The following AHI1 variants were observed in gnomAD, a reference collection of about 807,000 sequenced individuals.
AHI1 encodes the protein Abelson helper integration site 1.
In AHI1, 123 loss-of-function variants were observed where a neutral mutation model predicts 149.3. That is an observed-to-expected ratio of 0.82 (90% CI 0.71 to 0.96). AHI1 has a LOEUF of 0.96. AHI1 is among the 40% of genes least tolerant of loss of function. The pLI is 0.00. For synonymous variants in AHI1, 475 were observed against 459.8 expected, an observed-to-expected ratio of 1.03 and a Z score of -0.42; for missense variants, 1,439 against 1,422.7, an observed-to-expected ratio of 1.01 and a Z score of -0.18.
intron 24 of AHI1, among the ~76,000 whole-genome samples, chr6:135,337,409 G>A (rs1040820302): frequency 6.6e-6 from 1 of 152,114 alleles, no homozygotes; most frequent in Admixed American, 6.6e-5. Context: ...GGTTACTGAA[G>A]TTGGTATTTA....
chr6:135,345,857 T>C (rs1455602267), intron 24 of AHI1, among the ~76,000 whole-genome samples: 1 of 152,102 alleles, frequency 6.6e-6, no homozygotes, highest in Non-Finnish European at 1.5e-5. Context: ...ATCATGGAAA[T>C]GATTGTTAAA....
intron 21 of AHI1, among the ~76,000 whole-genome samples, chr6:135,406,255 CA>C (rs1780782391): frequency 6.6e-6 from 1 of 152,154 alleles, no homozygotes; most frequent in South Asian, 2.1e-4. Context: ...CACAGTTGCT[CA>C]AAATCTGGAA....
intron 27 of AHI1, among the ~76,000 whole-genome samples, chr6:135,298,420 C>A (rs1783433664): frequency 6.6e-6 from 1 of 151,234 alleles, no homozygotes; most frequent in African/African-American, 2.4e-5. Context: ...TATTGGTCAA[C>A]CAACTAATAA....
intron 23 of AHI1, among the ~76,000 whole-genome samples, chr6:135,363,114 C>G (rs1450322168): frequency 6.6e-6 from 1 of 151,042 alleles, no homozygotes; most frequent in African/African-American, 2.4e-5. Context: ...TTGGCAGGGT[C>G]ACAGGACAAT....
Position 135,411,355 on chromosome 6 carries a change from G to A in AHI1, c.2954C>T (p.Thr985Ile). The A allele has an allele frequency of 6.2e-7, 1 of 1,610,824 alleles. No homozygotes were observed. The highest frequency in any genetic ancestry group is 8.5e-7 in the Non-Finnish European group (1 of 1,177,312). ...KMQLVKQRLETVTEVIRSCAA... is the reference protein window; with the variant it reads ...KMQLVKQRLEIVTEVIRSCAA... ...TGCATAAAATAAACTTACTGTGACA[G>A]TTTCAAGCCTCTGTTTTACTAGCTG... The change falls in exon 21 of 29, where the codon ACT becomes ATT. Residue 985 changes from threonine (T) to isoleucine (I), a missense_variant. By Grantham distance (89) the Thr-to-Ile change is moderately conservative (BLOSUM62 -1). Coordinates refer to ENST00000265602, the MANE Select transcript of AHI1 (RefSeq NM_001134831.2).
At chr6:135,470,713 C>T (rs1278085572) in intron 5 of AHI1, among the ~76,000 whole-genome samples, 1 of 151,986 alleles carries the variant, frequency 6.6e-6, no homozygotes, top group Non-Finnish European at 1.5e-5. Flanking sequence ...TGCATGTTAT[C>T]ACTTGTACGT....
intron 5 of AHI1, among the ~76,000 whole-genome samples, chr6:135,479,206 T>C (rs1029354712): frequency 6.6e-6 from 1 of 152,214 alleles, no homozygotes; most frequent in Non-Finnish European, 1.5e-5. Flanking sequence ...GGGCACTGCC[T>C]AGTAGATCTG....
chr6:135,342,420 A>AT (rs1164598815), intron 24 of AHI1, among the ~76,000 whole-genome samples: 1 of 151,922 alleles, frequency 6.6e-6, no homozygotes, highest in Non-Finnish European at 1.5e-5. Flanking sequence ...TGGGATCGGT[A>AT]TTACCATGAT....
At chr6:135,320,139 G>C (rs1786582446) in intron 25 of AHI1, among the ~76,000 whole-genome samples, 2 of 151,732 alleles carry the variant, frequency 1.3e-5, no homozygotes, top group Non-Finnish European at 2.9e-5. Flanking sequence ...GTTAAATTCA[G>C]GTAAAAAAAG....
At chr6:135,322,212 T>C (rs1786960189) in intron 25 of AHI1, among the ~76,000 whole-genome samples, 1 of 152,208 alleles carries the variant, frequency 6.6e-6, no homozygotes, top group Non-Finnish European at 1.5e-5. Context: ...CTGGGGCGTA[T>C]GAGTGTAAGA....
chr6:135,409,967 A>T (rs892398433), intron 21 of AHI1, among the ~76,000 whole-genome samples: 10 of 152,192 alleles, frequency 6.6e-5, no homozygotes, highest in Admixed American at 5.9e-4. Context: ...TCTCATTATC[A>T]ACAATAATAA....
rs551503436 is a variant in AHI1, at chr6:135,464,404, G to A, written c.750-1098C>T. On this transcript the variant is annotated intron_variant, in intron 7 of 28. Transcript: ENST00000265602. ...ACCACAGAGGTGGTAGCTATGAGAAGGAAGATTTATAGTATACTATGGTAG... is the reference window on the plus strand; with the variant it reads ...ACCACAGAGGTGGTAGCTATGAGAAAGAAGATTTATAGTATACTATGGTAG... Among the ~76,000 whole-genome samples the A allele has an allele frequency of 1.1e-4, 17 of 152,244 alleles. No homozygotes were observed. In the South Asian group the frequency reaches 3.5e-3, roughly 32 times the overall value.
At chr6:135,321,467 C>A (rs1786819687) in intron 25 of AHI1, among the ~76,000 whole-genome samples, 1 of 151,958 alleles carries the variant, frequency 6.6e-6, no homozygotes. Flanking sequence ...GGACTTAGGG[C>A]ACTTGAGAGA....
intron 23 of AHI1, among the ~76,000 whole-genome samples, chr6:135,375,335 C>A (rs1775752241): frequency 6.6e-6 from 1 of 151,814 alleles, no homozygotes; most frequent in Non-Finnish European, 1.5e-5. Context: ...TGGAAATAAA[C>A]ACTACTCAAT....
At chr6:135,454,962 G>C (rs1788689681) in intron 10 of AHI1, among the ~76,000 whole-genome samples, 1 of 152,092 alleles carries the variant, frequency 6.6e-6, no homozygotes, top group Admixed American at 6.5e-5. Context: ...TTCGGCACTG[G>C]TTATGCCAAG....
chr6:135,453,855 T>C (rs1209918918), intron 10 of AHI1, among the ~76,000 whole-genome samples: 1 of 152,128 alleles, frequency 6.6e-6, no homozygotes, highest in Admixed American at 6.5e-5. Context: ...GGTTTTTCTC[T>C]TTGGATGTAT....
chr6:135,442,839 C>T (rs866756940), intron 13 of AHI1, 125 bp from the exon 14 acceptor site: 19 of 886,264 alleles, frequency 2.1e-5, no homozygotes, highest in African/African-American at 6.7e-5. Context: ...AAAACAAGTA[C>T]GCAGAATGGT....
At chr6:135,336,989 C>T (rs1789491307) in intron 24 of AHI1, among the ~76,000 whole-genome samples, 1 of 152,030 alleles carries the variant, frequency 6.6e-6, no homozygotes, top group African/African-American at 2.4e-5. Flanking sequence ...ACTAAAATAA[C>T]TGTTATTTTT....
At chr6:135,460,304 T>A (rs544571330) in intron 8 of AHI1, among the ~76,000 whole-genome samples, 3 of 152,272 alleles carry the variant, frequency 2.0e-5, no homozygotes, top group South Asian at 2.1e-4. Context: ...AAAACAAAAA[T>A]TTTTTAAATG....
Sources: gnomAD v4.1 joint callset for allele counts (sites outside exome capture counted in the v4.1 genomes callset) on GRCh38, gnomAD v4.1.1 for gene constraint, MANE v1.5 for transcripts, NCBI Gene and HGNC (gene_info 2026-07-23, HGNC 2026-07-21) for gene names.